The following RGS21 variants were observed in gnomAD, a reference collection of about 807,000 sequenced individuals.
RGS21 encodes regulator of G-protein signalling 21.
RGS21 carries 19 observed loss-of-function variants against 18.7 expected under a neutral mutation model. The observed-to-expected ratio is 1.01, with a 90% CI of 0.71 to 1.49. RGS21 has a LOEUF of 1.49. Ranked by LOEUF, RGS21 falls within the 40% of genes most tolerant of loss-of-function variation. The pLI is 0.00. For missense variants in RGS21, 194 were observed against 176.8 expected, an observed-to-expected ratio of 1.10 and a Z score of -0.55; for synonymous variants, 56 against 57.8, an observed-to-expected ratio of 0.97 and a Z score of 0.14.
intron 2 of RGS21, among the ~76,000 whole-genome samples, chr1:192,343,371 C>T (rs1306284090): frequency 1.3e-5 from 2 of 151,846 alleles, no homozygotes; most frequent in Admixed American, 6.6e-5. Context: ...ATTATCACAA[C>T]GTTTATTGAA....
intron 4 of RGS21, among the ~76,000 whole-genome samples, chr1:192,355,400 A>G (rs1166493604): frequency 6.6e-6 from 1 of 151,684 alleles, no homozygotes; most frequent in Non-Finnish European, 1.5e-5. Flanking sequence ...ATATGTAGAT[A>G]AGCAATGTTA....
chr1:192,362,618 G>C (rs116288831), intron 4 of RGS21, among the ~76,000 whole-genome samples: 1 of 152,078 alleles, frequency 6.6e-6, no homozygotes, highest in Non-Finnish European at 1.5e-5. Flanking sequence ...AGCTTTATAA[G>C]ACTACTGATC....
intron 2 of RGS21, 43 bp downstream of exon 2, chr1:192,343,090 A>G: frequency 6.3e-7 from 1 of 1,586,776 alleles, no homozygotes. Context: ...GAAGATGTAC[A>G]AATGAAACAC....
At chr1:192,339,345 G>A (rs1338656090) in intron 1 of RGS21, among the ~76,000 whole-genome samples, 2 of 151,956 alleles carry the variant, frequency 1.3e-5, no homozygotes, top group African/African-American at 4.8e-5. Flanking sequence ...TAATGATGAA[G>A]TATAAACAGC....
At chr1:192,361,032 T>C (rs187187077) in intron 4 of RGS21, among the ~76,000 whole-genome samples, 3 of 152,180 alleles carry the variant, frequency 2.0e-5, no homozygotes, top group Admixed American at 1.3e-4. Context: ...AAAAATAAAG[T>C]AGATAGCTTT....
intron 1 of RGS21, among the ~76,000 whole-genome samples, chr1:192,319,712 A>G (rs948067393): frequency 6.6e-6 from 1 of 152,104 alleles, no homozygotes; most frequent in Non-Finnish European, 1.5e-5. Context: ...TAGCTACTAC[A>G]TAAGGCACCT....
At chr1:192,344,137 C>T (rs1255489486) in intron 2 of RGS21, among the ~76,000 whole-genome samples, 8 of 151,904 alleles carry the variant, frequency 5.3e-5, no homozygotes, top group Non-Finnish European at 1.0e-4. Flanking sequence ...AATTCTGTTT[C>T]GTGTAAGCTT....
intron 1 of RGS21, among the ~76,000 whole-genome samples, chr1:192,328,511 A>G (rs184972284): frequency 5.9e-5 from 9 of 152,326 alleles, no homozygotes; most frequent in Admixed American, 2.6e-4. Flanking sequence ...GCCATCAACT[A>G]TGCTAGGCCA....
intron 1 of RGS21, among the ~76,000 whole-genome samples, chr1:192,324,193 G>C (rs1230479616): frequency 1.3e-5 from 2 of 151,882 alleles, no homozygotes; most frequent in Non-Finnish European, 2.9e-5. Context: ...AGGATCAATG[G>C]GTCTTTTTAC....
Position 192,352,229 on chromosome 1 carries a change from C to G in RGS21, c.255+16C>G. On this transcript the variant is annotated intron_variant, in intron 4 of 4. Coordinates refer to ENST00000417209, the MANE Select transcript of RGS21 (RefSeq NM_001039152.3). ...ACCTAAAGAGGTGAGTGAACTACTT[C>G]AGAACAGTGAAGAGTCATCCTGTAG... The G allele has an allele frequency of 6.3e-7, 1 of 1,579,868 alleles. No homozygotes were observed. The highest frequency in any genetic ancestry group is 8.6e-7 in the Non-Finnish European group (1 of 1,163,112).
rs1489356226 is a variant in RGS21, at chr1:192,343,125, T to A, written c.11+78T>A. ...CTTGAGTCTTCTTTTAGTCTCGATGTTTTATTTCCTTCATTTATGATAAAT... is the reference window on the plus strand; with the variant it reads ...CTTGAGTCTTCTTTTAGTCTCGATGATTTATTTCCTTCATTTATGATAAAT... On this transcript the variant is annotated intron_variant, in intron 2 of 4. Coordinates refer to ENST00000417209, the MANE Select transcript of RGS21 (RefSeq NM_001039152.3). 15 of 1,286,294 alleles carry A rather than the reference T, an allele frequency of 1.2e-5. No individual in the cohort carries two copies. The South Asian group carries it at 1.8e-4, about 15-fold the overall frequency. 79.7% of individuals were successfully genotyped at this position (1,286,294 alleles called of 1,614,324 possible).
intron 3 of RGS21, among the ~76,000 whole-genome samples, chr1:192,349,678 G>A (rs886138297): frequency 6.6e-6 from 1 of 152,150 alleles, no homozygotes; most frequent in African/African-American, 2.4e-5. Context: ...ATATAGATAA[G>A]TAGCCCCAGG....
At chr1:192,360,975 G>T (rs1659180225) in intron 4 of RGS21, among the ~76,000 whole-genome samples, 1 of 151,762 alleles carries the variant, frequency 6.6e-6, no homozygotes, top group African/African-American at 2.4e-5. Flanking sequence ...CAGTTCCTAA[G>T]CACCTACTCC....
chr1:192,326,713 A>C (rs1252496905), intron 1 of RGS21, among the ~76,000 whole-genome samples: 4 of 152,166 alleles, frequency 2.6e-5, no homozygotes, highest in Non-Finnish European at 5.9e-5. Flanking sequence ...GTATTAACTC[A>C]GTTTGTATTT....
At chr1:192,336,409 C>T (rs1223676665) in intron 1 of RGS21, among the ~76,000 whole-genome samples, 7 of 152,078 alleles carry the variant, frequency 4.6e-5, no homozygotes, top group Admixed American at 1.3e-4. Context: ...GAGCTGAGAT[C>T]GTGCTATTGC....
At chr1:192,331,544 T>A (rs529555104) in intron 1 of RGS21, among the ~76,000 whole-genome samples, 164 of 113,758 alleles carry the variant, frequency 1.4e-3, no homozygotes, top group African/African-American at 5.8e-3. Flanking sequence ...AGACTCCGTC[T>A]CTAAATAAAT....
At chr1:192,360,698 C>A (rs1418227434) in intron 4 of RGS21, among the ~76,000 whole-genome samples, 1 of 152,138 alleles carries the variant, frequency 6.6e-6, no homozygotes, top group Non-Finnish European at 1.5e-5. Context: ...CTACAATGTC[C>A]TACATGATTT....
chr1:192,359,105 G>A lies in RGS21; in HGVS notation c.256-6816G>A, dbSNP rs189947050. On this transcript the variant is annotated intron_variant, in intron 4 of 4. Coordinates refer to ENST00000417209, the MANE Select transcript of RGS21 (RefSeq NM_001039152.3). ...TGTGTCTTGTTTTCCAAGATTGGCA[G>A]TGTAGTGGTTTCAGAAATCTAAGAT... 2.5e-3 allele frequency among the ~76,000 whole-genome samples: 378 copies of A among 152,192 alleles called. 3 individuals carry two copies. The highest frequency in any genetic ancestry group is 3.7e-3 in the Non-Finnish European group (251 of 67,982).
chr1:192,345,021 T>C (rs1270750068), intron 2 of RGS21, among the ~76,000 whole-genome samples: 2 of 152,102 alleles, frequency 1.3e-5, no homozygotes, highest in Non-Finnish European at 2.9e-5. Context: ...ATTTTTCTTT[T>C]ATCCTTGGTT....
Sources: gnomAD v4.1 joint callset for allele counts (sites outside exome capture counted in the v4.1 genomes callset) on GRCh38, gnomAD v4.1.1 for gene constraint, MANE v1.5 for transcripts, NCBI Gene and HGNC (gene_info 2026-07-23, HGNC 2026-07-21) for gene names.